The following CACNA1F variants were observed in gnomAD, a reference collection of about 807,000 sequenced individuals.
CACNA1F encodes calcium voltage-gated channel subunit alpha1 F.
CACNA1F carries 59 observed loss-of-function variants against 143.8 expected under a neutral mutation model. The observed-to-expected ratio is 0.41, with a 90% CI of 0.33 to 0.51. CACNA1F has a LOEUF of 0.51. Ranked by LOEUF, CACNA1F falls within the 20% of genes least tolerant of loss-of-function variation. The pLI is 0.22. For missense variants in CACNA1F, 1,411 were observed against 1,647.5 expected, an observed-to-expected ratio of 0.86 and a Z score of 2.48; for synonymous variants, 643 against 649.1, an observed-to-expected ratio of 0.99 and a Z score of 0.14.
In CACNA1F at chrX:49,232,014, G is replaced by A. The variant is rs2065884200; in HGVS notation, c.26-87C>T. The A allele has an allele frequency of 4.2e-6, 4 of 953,570 alleles. No homozygotes were observed. The African/African-American group carries it at 5.9e-5, about 14-fold the overall frequency. The allele number at this position is 953,570 out of a possible 1,213,427, so 78.6% of individuals were successfully genotyped here. On this transcript the variant is annotated intron_variant, in intron 1 of 47. Transcript: ENST00000323022. ...CCTGATCCTGTCCCTCTGTTTGAAG[G>A]AAGGAGAGAAGAGCATGGAAAATTA... is the stretch of plus-strand genomic sequence containing the variant.
chrX:49,216,653 G>C lies in CACNA1F; in HGVS notation c.3090-125C>G, dbSNP rs2065720365. ...GCAATATGTTCTAGGTTCAAATCCT[G>C]TCCCTCCATGTCCTGGCTGGGTGAC... is the stretch of plus-strand genomic sequence containing the variant. On this transcript the variant is annotated intron_variant, in intron 26 of 47. Coordinates refer to ENST00000323022, the MANE Select transcript of CACNA1F (RefSeq NM_001256789.3). The C allele has an allele frequency of 5.2e-6, 3 of 578,876 alleles. No homozygotes were observed. The South Asian group carries it at 9.5e-5, about 18-fold the overall frequency. 47.7% of individuals were successfully genotyped at this position (578,876 alleles called of 1,213,427 possible). A position where few individuals can be genotyped will look rare whatever the true frequency, so the allele number is the denominator to read the frequency against.
In CACNA1F at chrX:49,205,119, T is replaced by C. The variant is rs781855117; in HGVS notation, c.*18A>G. 3.5e-6 allele frequency: 4 copies of C among 1,136,624 alleles called. No homozygotes were observed. The highest frequency in any genetic ancestry group is 3.6e-5 in the African/African-American group (2 of 55,737). 93.7% of individuals were successfully genotyped at this position (1,136,624 alleles called of 1,213,427 possible). ...GGAGGGCAGGAGGTTTATTGAGCAG[T>C]TGGGGAGGGGTGGGAATTCAGAGGG... On this transcript the variant is annotated 3_prime_UTR_variant, in exon 48 of 48. Transcript: ENST00000323022.
In CACNA1F at chrX:49,219,360, G is replaced by A. The variant is rs782411375; in HGVS notation, c.2634C>T (p.Ala878=). ...VFIILSSVSL[A]AEDPIRAHSF... ...AGTGGGCTCGGATGGGGTCCTCAGC[G>A]GCCAGGGACACACTGCTGAGGATGA... Residue 878 remains alanine (A), a synonymous_variant, in exon 21 of 48, where the codon GCC becomes GCT. Coordinates refer to ENST00000323022, the MANE Select transcript of CACNA1F (RefSeq NM_001256789.3). 2.4e-5 allele frequency: 29 copies of A among 1,206,203 alleles called. No homozygotes were observed. The highest frequency in any genetic ancestry group is 2.1e-4 in the East Asian group (7 of 33,700).
At position 49,231,706 on chromosome X, in the gene CACNA1F, G is replaced by T. The variant is rs782384281; in HGVS notation, c.247C>A (p.Arg83=). The part of the protein sequence containing the change: ...FCLTLANPLR[R]SCISIVEWKP... ...CACTCCACGATGCTGATGCAGGACCGTCGCAGAGGATTGGCCAGGGTGAGG... is the reference window on the plus strand; with the variant it reads ...CACTCCACGATGCTGATGCAGGACCTTCGCAGAGGATTGGCCAGGGTGAGG... Residue 83 remains arginine (R), a synonymous_variant, in exon 2 of 48, where the codon CGG becomes AGG. Coordinates refer to ENST00000323022, the MANE Select transcript of CACNA1F (RefSeq NM_001256789.3). The T allele has an allele frequency of 8.3e-7, 1 of 1,211,909 alleles. No homozygotes were observed. The highest frequency in any genetic ancestry group is 1.1e-6 in the Non-Finnish European group (1 of 895,501).
At chrX:49,218,767 C>CTGGGGATGGTGGGGGTTGGGGGAGG in intron 22 of CACNA1F, 32 bp from the exon 23 acceptor site, 3 of 328,951 alleles carry the variant, frequency 9.1e-6, no homozygotes, top group Non-Finnish European at 1.5e-5. Context: ...AGACTCAGAC[C>CTGGGGATGGTGGGGGTTGGGGGAGG]TGGGGATGGT....
At chrX:49,218,048 C>T in intron 24 of CACNA1F, 43 bp from the exon 25 acceptor site, 1 of 997,123 alleles carries the variant, frequency 1.0e-6, no homozygotes, top group East Asian at 3.1e-5. Context: ...CTACAGGCCA[C>T]AGTGGTCATG....
intron 14 of CACNA1F, 51 bp from the exon 15 acceptor site, chrX:49,223,187 GGCTGGA>G: frequency 2.3e-6 from 2 of 871,337 alleles, no homozygotes; most frequent in Non-Finnish European, 3.3e-6. Flanking sequence ...CACTGGACAT[GGCTGGA>G]GCATCAGGAG....
At chrX:49,208,716 G>A in intron 42 of CACNA1F, 32 bp from the exon 43 acceptor site, 1 of 1,179,211 alleles carries the variant, frequency 8.5e-7, no homozygotes, top group Non-Finnish European at 1.2e-6. Flanking sequence ...AGTGTTGCAT[G>A]CACTTTGTGG....
Position 49,215,255 on chromosome X carries a change from G to A in CACNA1F, c.3439-11C>T. On this transcript the variant is annotated splice_polypyrimidine_tract_variant and intron_variant, in intron 28 of 47. Transcript: ENST00000323022. ...TTCCACACATTGACGCTGCATACCAGGGCAGGGCATGAGTGAGCAGTGGGG... is the reference window on the plus strand; with the variant it reads ...TTCCACACATTGACGCTGCATACCAAGGCAGGGCATGAGTGAGCAGTGGGG... 1.7e-6 allele frequency: 2 copies of A among 1,210,834 alleles called. No individual in the cohort carries two copies. Among genetic ancestry groups the A allele is most frequent in the African/African-American group, 1.7e-5 (1 of 57,629 alleles).
At chrX:49,213,529 T>G (rs1557106724) in intron 31 of CACNA1F, among the ~76,000 whole-genome samples, 1 of 111,084 alleles carries the variant, frequency 9.0e-6, no homozygotes, top group Admixed American at 9.5e-5. Flanking sequence ...AGCCAATGGA[T>G]GGGGGATGTA....
At position 49,209,654 on chromosome X, in the gene CACNA1F, G is replaced by C; in HGVS notation, c.4796C>G (p.Ala1599Gly). Residue 1599 changes from alanine to glycine, a missense_variant, in exon 41 of 48, where the codon GCC becomes GGC. Physicochemically the swap from Ala to Gly is moderately conservative, Grantham distance 60 (BLOSUM62 0). This residue lies in a region of CACNA1F where 349 missense variants were observed against 350.2 expected (regional missense o/e 1.00). Coordinates refer to ENST00000323022, the MANE Select transcript of CACNA1F (RefSeq NM_001256789.3). ...CTGAAGGGCGGAAGAGGTGCTAGGG[G>C]CGGCGTCGTTGCCTAGTAGCCCTTT... ...KEKGLLGNDA[A>G]PSTSSALQAG... The C allele has an allele frequency of 8.3e-7, 1 of 1,211,080 alleles. No homozygotes were observed.
In CACNA1F at chrX:49,217,878, C is replaced by G. The variant is rs1557107796; in HGVS notation, c.3036+20G>C. 8.4e-7 allele frequency: 1 copy of G among 1,196,062 alleles called. No homozygotes were observed. On this transcript the variant is annotated intron_variant, in intron 25 of 47. Coordinates refer to ENST00000323022, the MANE Select transcript of CACNA1F (RefSeq NM_001256789.3). ...CCCGCCCAGACCCCTGCCTGGCATT[C>G]CCTCCAGTGTTTGCCCCACCTTGAA...
At chrX:49,208,411 G>GGCCCCCCCC in intron 43 of CACNA1F, 104 bp downstream of exon 43, 2 of 414,478 alleles carry the variant, frequency 4.8e-6, no homozygotes. Flanking sequence ...AGGCCTCTAG[G>GGCCCCCCCC]CCCTCCCTCC....
Position 49,211,223 on chromosome X carries a change from C to T in CACNA1F, c.4260+99G>A. ...GATCTTGTCATCAGACCAGCCCTCT[C>T]ACCCACTATGAAGATCTGGGCTGCC... On this transcript the variant is annotated intron_variant, in intron 36 of 47. Coordinates refer to ENST00000323022, the MANE Select transcript of CACNA1F (RefSeq NM_001256789.3). 2.7e-6 allele frequency: 3 copies of T among 1,114,411 alleles called. No homozygotes were observed. The South Asian group carries it at 5.5e-5, about 21-fold the overall frequency. The allele number at this position is 1,114,411 out of a possible 1,213,427, so 91.8% of individuals were successfully genotyped here. A position where few individuals can be genotyped will look rare whatever the true frequency, so the allele number is the denominator to read the frequency against.
chrX:49,218,177 G>A lies in CACNA1F; in HGVS notation c.2929-172C>T, dbSNP rs111247255. On this transcript the variant is annotated intron_variant, in intron 24 of 47. Transcript: ENST00000323022. ...AGAGGCAGTGTTATGGGCTAGAGAC[G>A]TGTGGGCATCCACCAGGAATAAGTG... 0.049 allele frequency among the ~76,000 whole-genome samples: 5,495 copies of A among 111,536 alleles called. 356 individuals carry two copies. The highest frequency in any genetic ancestry group is 0.17 in the African/African-American group (5,200 of 30,486).
chrX:49,219,288 C>G, intron 21 of CACNA1F, 33 bp downstream of exon 21: 1 of 1,198,127 alleles, frequency 8.3e-7, no homozygotes, highest in Non-Finnish European at 1.1e-6. Flanking sequence ...TGGGAGTGTC[C>G]CCTCAGCTCC....
Position 49,231,859 on chromosome X carries a change from G to T in CACNA1F, c.94C>A (p.Pro32Thr), listed in dbSNP as rs201893500. 2 of 1,186,789 alleles carry T rather than the reference G, an allele frequency of 1.7e-6. No homozygotes were observed. Among genetic ancestry groups the T allele is most frequent in the Non-Finnish European group, 2.3e-6 (2 of 882,482 alleles). ...PGPEWGLCPG[P>T]PAVEGESSGA... Reference sequence around the variant, plus strand: ...CTGCTTTCACCTTCCACAGCTGGGGGCCCGGGGCACAGCCCCCATTCGGGA... The same window carrying T: ...CTGCTTTCACCTTCCACAGCTGGGGTCCCGGGGCACAGCCCCCATTCGGGA... Residue 32 changes from proline (P) to threonine (T), a missense_variant, in exon 2 of 48, where the codon CCC (proline) becomes ACC (threonine). By Grantham distance (38) the Pro-to-Thr change is conservative. Transcript: ENST00000323022.
At chrX:49,221,801 G>A (rs927109797) in intron 17 of CACNA1F, among the ~76,000 whole-genome samples, 5 of 107,256 alleles carry the variant, frequency 4.7e-5, no homozygotes, top group African/African-American at 1.7e-4. Flanking sequence ...CCAACATGGT[G>A]AAACCCCATC....
At chrX:49,221,007 G>A in intron 18 of CACNA1F, 28 bp downstream of exon 18, 2 of 1,157,090 alleles carry the variant, frequency 1.7e-6, no homozygotes, top group Non-Finnish European at 2.4e-6. Flanking sequence ...AGTGGGAGGT[G>A]TAGACAGTGC....
Sources: gnomAD v4.1 joint callset for allele counts (sites outside exome capture counted in the v4.1 genomes callset) on GRCh38, gnomAD v4.1.1 for gene constraint, gnomAD v4.1.1 regional missense constraint, MANE v1.5 for transcripts, NCBI Gene and HGNC (gene_info 2026-07-23, HGNC 2026-07-21) for gene names.